TLK1: variants seen among roughly 807,000 people sequenced by gnomAD.
TLK1 encodes serine/threonine-protein kinase tousled-like 1.
Under a neutral mutation model 105.3 loss-of-function variants are expected in TLK1, and 24 were observed. The ratio of observed to expected loss-of-function variants is 0.23; its 90% CI spans 0.17 to 0.32. TLK1 has a LOEUF of 0.32. TLK1 is among the 10% of genes least tolerant of loss of function. TLK1 has a pLI of 1.00. For missense variants in TLK1, 558 were observed against 910.5 expected (o/e 0.61, Z 4.98); for synonymous variants, 321 against 310.4 (o/e 1.03, Z -0.36).
upstream of TLK1, among the ~76,000 whole-genome samples, chr2:171,165,480 C>A (rs1692589656): frequency 6.6e-6 from 1 of 152,174 alleles, no homozygotes; most frequent in African/African-American, 2.4e-5. Context: ...TTTTCTATTT[C>A]TATACCATAG....
rs1683897814 is a variant in TLK1 at position 170,993,681 on chromosome 2, A to AAAG, written c.*98_*99insCTT. ...CCACGTCTTGTGTAAAAAAAAAAAA[A>AAAG]AAAAAAAAAGAAAAAGAAAACAAAC... On this transcript the variant is annotated 3_prime_UTR_variant, in exon 21 of 21. Coordinates refer to ENST00000431350, the MANE Select transcript of TLK1 (RefSeq NM_012290.5). 7.3e-6 allele frequency: 7 copies of AAAG among 954,726 alleles called. No homozygotes were observed. The South Asian group carries it at 2.2e-4, about 30-fold the overall frequency. 59.1% of individuals were successfully genotyped at this position (954,726 alleles called of 1,614,324 possible). A position where few individuals can be genotyped will look rare whatever the true frequency, so the allele number is the denominator to read the frequency against.
In TLK1 at chr2:171,117,949, T is replaced by C. The variant is rs138255477; in HGVS notation, c.140-92A>G. On this transcript the variant is annotated intron_variant, in intron 1 of 20. Coordinates refer to ENST00000431350, the MANE Select transcript of TLK1 (RefSeq NM_012290.5). ...AATATATATATGTGATTAGTTAAGA[T>C]GTTAAAAATTTAGGAATGAATGCTA... is the stretch of plus-strand genomic sequence containing the variant. 5.0e-3 allele frequency: 4,245 copies of C among 854,612 alleles called. 23 individuals carry two copies. Among genetic ancestry groups the C allele is most frequent in the Middle Eastern group, 0.011 (29 of 2,758 alleles). 52.9% of individuals were successfully genotyped at this position (854,612 alleles called of 1,614,324 possible). A position where few individuals can be genotyped will look rare whatever the true frequency, so the allele number is the denominator to read the frequency against.
In TLK1 at chr2:171,148,909, ATATG is replaced by A. The variant is rs1392969736; in HGVS notation, c.139+11377_139+11380del. Among the ~76,000 whole-genome samples, 21 of 141,108 alleles carry A rather than the reference ATATG, an allele frequency of 1.5e-4. No individual in the cohort carries two copies. The East Asian group carries it at 1.6e-3, about 11-fold the overall frequency. The allele number at this position is 141,108 out of a possible 152,430, so 92.6% of individuals were successfully genotyped here. A position where few individuals can be genotyped will look rare whatever the true frequency, so the allele number is the denominator to read the frequency against. ...AAAAAAAATATATATATATATATATATATGTGTGTGTGTGTGTGCGTGTGCGTGT... is the reference window on the plus strand; with the variant it reads ...AAAAAAAATATATATATATATATATATGTGTGTGTGTGTGCGTGTGCGTGT... On this transcript the variant is annotated intron_variant, in intron 1 of 20. Coordinates refer to ENST00000431350, the MANE Select transcript of TLK1 (RefSeq NM_012290.5).
intron 12 of TLK1, among the ~76,000 whole-genome samples, chr2:171,019,852 G>A (rs1685402928): frequency 6.6e-6 from 1 of 152,128 alleles, no homozygotes; most frequent in African/African-American, 2.4e-5. Flanking sequence ...GAGGTCAGGA[G>A]TTCGAGACCA....
At chr2:171,194,044 C>G (rs190511859) in intron 1 of TLK1, among the ~76,000 whole-genome samples, 2 of 152,102 alleles carry the variant, frequency 1.3e-5, no homozygotes, top group Admixed American at 6.5e-5. Context: ...ATGGGATTGC[C>G]CTTGTCTTAG....
chr2:171,106,483 CAATA>C (rs1305815110), intron 2 of TLK1, among the ~76,000 whole-genome samples: 2 of 152,108 alleles, frequency 1.3e-5, no homozygotes, highest in African/African-American at 4.8e-5. Flanking sequence ...CAATTAAAAA[CAATA>C]AAAGCAGAAA....
chr2:171,079,139 T>C (rs917780631), intron 3 of TLK1, among the ~76,000 whole-genome samples: 127 of 152,320 alleles, frequency 8.3e-4, no homozygotes, highest in African/African-American at 3.0e-3. Flanking sequence ...TGTCCTCTCT[T>C]AAACCAAACG....
intron 2 of TLK1, among the ~76,000 whole-genome samples, chr2:171,113,775 G>A (rs1393496743): frequency 6.6e-6 from 1 of 152,154 alleles, no homozygotes; most frequent in Non-Finnish European, 1.5e-5. Flanking sequence ...GGATTAAAGA[G>A]CAAGTATGAT....
intron 12 of TLK1, among the ~76,000 whole-genome samples, chr2:171,022,086 AACACACACACACACAC>A (rs557803785): frequency 3.9e-5 from 4 of 103,006 alleles, no homozygotes; most frequent in African/African-American, 1.2e-4. Context: ...CTGGGCGAAA[AACACACACACACACAC>A]ACACACACAC....
intron 1 of TLK1, among the ~76,000 whole-genome samples, chr2:171,215,513 G>A (rs891661009): frequency 2.6e-5 from 4 of 152,168 alleles, no homozygotes; most frequent in Admixed American, 2.0e-4. Context: ...TCCAAGACAG[G>A]CACGGTGATG....
Position 170,992,528 on chromosome 2 carries a change from G to A in TLK1, c.*1252C>T, listed in dbSNP as rs1683826902. The A allele has an allele frequency of 6.6e-6, 1 of 152,488 alleles. No homozygotes were observed. The highest frequency in any genetic ancestry group is 1.9e-4 in the East Asian group (1 of 5,196). The allele number at this position is 152,488 out of a possible 1,614,324, so 9.4% of individuals were successfully genotyped here. A position where few individuals can be genotyped will look rare whatever the true frequency, so the allele number is the denominator to read the frequency against. The stretch of plus-strand genomic sequence containing the variant: ...AGAAATTTGCTTATGGGACCATCTT[G>A]CTGATAAGAACTTTCTAGAAATGTA... On this transcript the variant is annotated 3_prime_UTR_variant, in exon 21 of 21. Coordinates refer to ENST00000431350, the MANE Select transcript of TLK1 (RefSeq NM_012290.5).
At chr2:171,093,600 T>C (rs184820665) in intron 2 of TLK1, among the ~76,000 whole-genome samples, 8 of 151,694 alleles carry the variant, frequency 5.3e-5, no homozygotes, top group Non-Finnish European at 1.2e-4. Context: ...AGTGGTAAGG[T>C]AGGAATCCGA....
At chr2:171,133,894 G>A (rs998335796) in intron 1 of TLK1, among the ~76,000 whole-genome samples, 1 of 151,898 alleles carries the variant, frequency 6.6e-6, no homozygotes, top group Non-Finnish European at 1.5e-5. Context: ...GGAGTGCAGT[G>A]GCATGATCGC....
At chr2:171,030,890 A>G (rs888562364) in intron 11 of TLK1, among the ~76,000 whole-genome samples, 1 of 152,198 alleles carries the variant, frequency 6.6e-6, no homozygotes, top group East Asian at 1.9e-4. Flanking sequence ...GCTATCATGT[A>G]TAACTGCAAA....
chr2:171,141,192 G>T (rs78268255), intron 1 of TLK1, among the ~76,000 whole-genome samples: 1 of 152,146 alleles, frequency 6.6e-6, no homozygotes, highest in African/African-American at 2.4e-5. Flanking sequence ...AGCACTATCC[G>T]AAGTGATATA....
At chr2:171,034,499 G>C (rs1251324557) in intron 11 of TLK1, among the ~76,000 whole-genome samples, 1 of 152,138 alleles carries the variant, frequency 6.6e-6, no homozygotes, top group Non-Finnish European at 1.5e-5. Flanking sequence ...GTCATATAAG[G>C]TATGAGTCAT....
intron 12 of TLK1, among the ~76,000 whole-genome samples, chr2:171,022,655 A>G (rs969166068): frequency 1.3e-5 from 2 of 152,232 alleles, no homozygotes; most frequent in African/African-American, 4.8e-5. Context: ...CTATAAATAT[A>G]AAGATGAACA....
intron 1 of TLK1, among the ~76,000 whole-genome samples, chr2:171,227,358 T>C (rs1305874539): frequency 2.0e-5 from 3 of 152,160 alleles, no homozygotes; most frequent in Non-Finnish European, 4.4e-5. Context: ...ATGATCTCTT[T>C]TCAGTGAATA....
At chr2:171,068,184 C>G (rs1441919832) in intron 3 of TLK1, among the ~76,000 whole-genome samples, 1 of 151,930 alleles carries the variant, frequency 6.6e-6, no homozygotes, top group Non-Finnish European at 1.5e-5. Context: ...AAAAAATTAG[C>G]CAGATCTGGT....
Sources: gnomAD v4.1 joint callset for allele counts (sites outside exome capture counted in the v4.1 genomes callset) on GRCh38, gnomAD v4.1.1 for gene constraint, MANE v1.5 for transcripts, NCBI Gene and HGNC (gene_info 2026-07-23, HGNC 2026-07-21) for gene names.